The following SLC35F4 variants were observed in gnomAD, a reference collection of about 807,000 sequenced individuals.
The protein encoded by SLC35F4 is chromosome 14 open reading frame 36.
SLC35F4 carries 24 observed loss-of-function variants against 44.2 expected under a neutral mutation model. The observed-to-expected ratio is 0.54, with a 90% confidence interval of 0.39 to 0.76. The LOEUF is 0.76. Among genes scored for constraint, SLC35F4 ranks in the 30% least tolerant of loss-of-function variants. SLC35F4 has a pLI of 0.00. For synonymous variants in SLC35F4, 238 were observed against 223.6 expected (o/e 1.06, Z -0.57); for missense variants, 562 against 586.1 (o/e 0.96, Z 0.42).
intron 1 of SLC35F4, among the ~76,000 whole-genome samples, chr14:57,981,285 G>C (rs1881373601): frequency 6.6e-6 from 1 of 152,186 alleles, no homozygotes; most frequent in African/African-American, 2.4e-5. Flanking sequence ...ACGTGGCAGA[G>C]ACTGATAACA....
intron 1 of SLC35F4, among the ~76,000 whole-genome samples, chr14:57,694,413 T>C (rs2075321429): frequency 6.6e-6 from 1 of 152,212 alleles, no homozygotes; most frequent in South Asian, 2.1e-4. Flanking sequence ...CCTTGCTTTT[T>C]TCATTTTACA....
At chr14:57,657,994 A>G (rs1258353956) in intron 1 of SLC35F4, among the ~76,000 whole-genome samples, 1 of 152,180 alleles carries the variant, frequency 6.6e-6, no homozygotes, top group Non-Finnish European at 1.5e-5. Flanking sequence ...GAATCAAACG[A>G]GAATGTGCAT....
intron 1 of SLC35F4, among the ~76,000 whole-genome samples, chr14:57,949,468 A>G (rs542165255): frequency 6.6e-6 from 1 of 152,216 alleles, no homozygotes; most frequent in South Asian, 2.1e-4. Context: ...TTGGTTGGTG[A>G]ATTTTTATCC....
chr14:57,939,714 A>C (rs1339982564), intron 1 of SLC35F4, among the ~76,000 whole-genome samples: 2 of 152,244 alleles, frequency 1.3e-5, no homozygotes, highest in Non-Finnish European at 2.9e-5. Context: ...TGGACAGTTA[A>C]ATCATTTTCC....
At chr14:57,877,236 A>G (rs938286741) in intron 1 of SLC35F4, among the ~76,000 whole-genome samples, 13 of 152,054 alleles carry the variant, frequency 8.5e-5, no homozygotes, top group African/African-American at 3.1e-4. Flanking sequence ...TTTAGCTCCC[A>G]TTTGTAAGTA....
intron 1 of SLC35F4, among the ~76,000 whole-genome samples, chr14:57,597,264 C>A (rs1220626243): frequency 1.3e-5 from 2 of 152,178 alleles, no homozygotes; most frequent in Non-Finnish European, 2.9e-5. Flanking sequence ...GGTGGTATCT[C>A]ATTTGTCACA....
chr14:57,689,836 T>C (rs1201145926), intron 1 of SLC35F4, among the ~76,000 whole-genome samples: 1 of 151,958 alleles, frequency 6.6e-6, no homozygotes, highest in African/African-American at 2.4e-5. Context: ...CGTATACATA[T>C]GTAACAAACC....
intron 1 of SLC35F4, among the ~76,000 whole-genome samples, chr14:57,926,204 G>A (rs1278012021): frequency 6.6e-6 from 1 of 152,180 alleles, no homozygotes; most frequent in Admixed American, 6.5e-5. Context: ...GTAAAGCCCT[G>A]GAGGCAGAGC....
intron 1 of SLC35F4, among the ~76,000 whole-genome samples, chr14:57,952,886 T>C (rs1890166226): frequency 6.6e-6 from 1 of 151,952 alleles, no homozygotes. Context: ...CCAGGAGAAT[T>C]TCCCCAAGCT....
intron 1 of SLC35F4, among the ~76,000 whole-genome samples, chr14:57,877,504 G>A (rs959594748): frequency 6.6e-6 from 1 of 151,878 alleles, no homozygotes; most frequent in Non-Finnish European, 1.5e-5. Context: ...ATATTCTCTT[G>A]GGTATATACC....
At chr14:57,892,234 C>A (rs1316980488) in intron 1 of SLC35F4, among the ~76,000 whole-genome samples, 1 of 152,186 alleles carries the variant, frequency 6.6e-6, no homozygotes, top group Non-Finnish European at 1.5e-5. Flanking sequence ...TGCAATTTCA[C>A]AATGCCATAT....
chr14:57,889,368 C>T (rs757683171), intron 1 of SLC35F4, among the ~76,000 whole-genome samples: 3 of 152,248 alleles, frequency 2.0e-5, no homozygotes, highest in Middle Eastern at 3.2e-3. Context: ...AGCAGAGACA[C>T]TTGAAGTACT....
intron 1 of SLC35F4, among the ~76,000 whole-genome samples, chr14:57,622,386 C>T (rs552736233): frequency 1.4e-5 from 2 of 148,028 alleles, no homozygotes; most frequent in East Asian, 1.9e-4. Context: ...TATTGCGGCA[C>T]TATTCACAAT....
chr14:57,691,960 C>T (rs767379725), intron 1 of SLC35F4, among the ~76,000 whole-genome samples: 3 of 152,062 alleles, frequency 2.0e-5, no homozygotes, highest in East Asian at 3.9e-4. Context: ...ATGTGGAACA[C>T]GATAGTGTGT....
intron 1 of SLC35F4, among the ~76,000 whole-genome samples, chr14:57,918,155 A>T (rs1889366626): frequency 6.6e-6 from 1 of 152,222 alleles, no homozygotes; most frequent in African/African-American, 2.4e-5. Context: ...CCTTTGCCAG[A>T]AGCATGAGAG....
intron 1 of SLC35F4, among the ~76,000 whole-genome samples, chr14:57,842,659 T>C (rs1885597998): frequency 6.6e-6 from 1 of 152,200 alleles, no homozygotes; most frequent in Admixed American, 6.5e-5. Flanking sequence ...TCCCTTCCCT[T>C]GCACTCTCAC....
At chr14:57,674,599 A>G (rs935070719) in intron 1 of SLC35F4, among the ~76,000 whole-genome samples, 15 of 152,162 alleles carry the variant, frequency 9.9e-5, no homozygotes, top group Middle Eastern at 3.2e-3. Context: ...GAAAGCAGCT[A>G]CAGCACACAC....
intron 1 of SLC35F4, among the ~76,000 whole-genome samples, chr14:57,713,006 A>G (rs1445568805): frequency 6.6e-6 from 1 of 151,980 alleles, no homozygotes; most frequent in African/African-American, 2.4e-5. Flanking sequence ...TTTATAAGTC[A>G]TCTAAGTCAG....
chr14:57,632,810 G>C (rs377005598), intron 1 of SLC35F4, among the ~76,000 whole-genome samples: 106 of 152,008 alleles, frequency 7.0e-4, no homozygotes, highest in Admixed American at 3.0e-3. Flanking sequence ...AATTTATAAC[G>C]ATATGTATCC....
Sources: gnomAD v4.1 joint callset for allele counts (sites outside exome capture counted in the v4.1 genomes callset) on GRCh38, gnomAD v4.1.1 for gene constraint, MANE v1.5 for transcripts, NCBI Gene and HGNC (gene_info 2026-07-23, HGNC 2026-07-21) for gene names.